The following SNED1 variants were observed in gnomAD, a reference collection of about 807,000 sequenced individuals.
SNED1 encodes the protein sushi, nidogen and EGF-like domain-containing protein 1.
Under a neutral mutation model 166.7 loss-of-function variants are expected in SNED1, and 81 were observed. That is an observed-to-expected ratio of 0.49 (90% CI 0.41 to 0.58). The LOEUF (loss-of-function observed/expected upper bound fraction) is 0.58. SNED1 is among the 20% of genes least tolerant of loss of function. SNED1 has a pLI of 0.00. For synonymous variants in SNED1, 762 were observed against 822.0 expected (o/e 0.93, Z 1.25); for missense variants, 1,604 against 2,000.2 (o/e 0.80, Z 3.78).
chr2:241,034,235 A>G (rs1476803551), intron 3 of SNED1, among the ~76,000 whole-genome samples: 2 of 152,212 alleles, frequency 1.3e-5, no homozygotes, highest in African/African-American at 4.8e-5. Context: ...GGAATGAAAC[A>G]GGACAATGGC....
At position 241,048,414 on chromosome 2, in the gene SNED1, G is replaced by T. The variant is rs767510996; in HGVS notation, c.1373G>T (p.Gly458Val). 2.0e-5 allele frequency: 32 copies of T among 1,610,502 alleles called. No homozygotes were observed. The highest frequency in any genetic ancestry group is 2.6e-5 in the Non-Finnish European group (31 of 1,178,568). The change falls in exon 9 of 32, where the codon GGC becomes GTC. Residue 458 changes from glycine (G) to valine (V), a missense_variant. This residue lies in a region of SNED1 where 1,237 missense variants were observed against 1,620.8 expected (regional missense o/e 0.76). Coordinates refer to ENST00000310397, the MANE Select transcript of SNED1 (RefSeq NM_001080437.3). ...DQGYVCECPEGFMGLDCRERV... is the reference protein window; with the variant it reads ...DQGYVCECPEVFMGLDCRERV... ...GGCTACGTGTGCGAGTGCCCCGAAGGCTTCATGGGCCTGGACTGCAGGGAG... is the reference window on the plus strand; with the variant it reads ...GGCTACGTGTGCGAGTGCCCCGAAGTCTTCATGGGCCTGGACTGCAGGGAG...
Position 241,081,781 on chromosome 2 carries a change from C to T in SNED1, c.4021C>T (p.Arg1341Cys), listed in dbSNP as rs749096541. The T allele has an allele frequency of 4.2e-5, 67 of 1,589,908 alleles. No individual in the cohort carries two copies. Among genetic ancestry groups the T allele is most frequent in the Non-Finnish European group, 5.2e-5 (61 of 1,167,966 alleles). Reference protein sequence around the residue: ...CDCGPGFKGRRCELACIKVSR... With the variant: ...CDCGPGFKGRCCELACIKVSR... ...CTGCGGGCCAGGGTTCAAAGGCAGA[C>T]GCTGCGAGCTCGGTAAGTCGGGGCT... The change falls in exon 28 of 32, where the codon CGC becomes TGC. Residue 1341 changes from arginine to cysteine, a missense_variant. Arg to Cys is a radical substitution (Grantham distance 180). Around this residue, in one of 2 missense-constraint regions of SNED1, gnomAD observed 367 missense variants for 379.4 expected, o/e 0.97. Coordinates refer to ENST00000310397, the MANE Select transcript of SNED1 (RefSeq NM_001080437.3).
Position 241,081,711 on chromosome 2 carries a change from G to T in SNED1, c.3951G>T (p.Gln1317His). The change falls in exon 28 of 32, where the codon CAG (glutamine) becomes CAT (histidine). Residue 1317 changes from glutamine to histidine, a missense_variant. Coordinates refer to ENST00000310397, the MANE Select transcript of SNED1 (RefSeq NM_001080437.3). ...VPGNCSENPCQNGGTCVPGAD... is the reference protein window; with the variant it reads ...VPGNCSENPCHNGGTCVPGAD... The stretch of plus-strand genomic sequence containing the variant: ...GCAACTGTTCAGAAAACCCCTGTCA[G>T]AACGGAGGCACTTGTGTGCCGGGCG... 1.2e-6 allele frequency: 2 copies of T among 1,609,394 alleles called. No individual in the cohort carries two copies. Among genetic ancestry groups the T allele is most frequent in the Non-Finnish European group, 1.7e-6 (2 of 1,177,916 alleles).
chr2:241,077,355 C>T (rs952670784), intron 27 of SNED1, among the ~76,000 whole-genome samples: 2 of 152,128 alleles, frequency 1.3e-5, no homozygotes, highest in African/African-American at 2.4e-5. Flanking sequence ...TCATGACCTT[C>T]GATCATGAGG....
At chr2:241,038,682 C>A (rs954304192) in intron 6 of SNED1, among the ~76,000 whole-genome samples, 2 of 152,270 alleles carry the variant, frequency 1.3e-5, no homozygotes, top group Non-Finnish European at 2.9e-5. Flanking sequence ...CAACGTGAGA[C>A]GGGTGGGAGT....
chr2:241,024,565 G>A (rs950217206), intron 1 of SNED1, among the ~76,000 whole-genome samples: 3 of 151,192 alleles, frequency 2.0e-5, no homozygotes, highest in East Asian at 3.9e-4. Context: ...CCTTTTTTGT[G>A]CAAAATTTCC....
Position 241,071,836 on chromosome 2 carries a change from A to G in SNED1, c.3775A>G (p.Arg1259Gly). ...GGACGGCAGAGGAAGAGTGAGCGCC[A>G]GGTTCGGTGGCTCACCCAGCAAAGC... ...LVDGRGRVSA[R>G]FGGSPSKAAT... Residue 1259 changes from arginine (R) to glycine (G), a missense_variant, in exon 26 of 32, where the codon AGG (arginine) becomes GGG (glycine). Around this residue, in one of 2 missense-constraint regions of SNED1, gnomAD observed 367 missense variants for 379.4 expected, o/e 0.97. Coordinates refer to ENST00000310397, the MANE Select transcript of SNED1 (RefSeq NM_001080437.3). 6.2e-7 allele frequency: 1 copy of G among 1,604,790 alleles called. No homozygotes were observed. The highest frequency in any genetic ancestry group is 8.5e-7 in the Non-Finnish European group (1 of 1,176,222).
At position 241,062,847 on chromosome 2, in the gene SNED1, G is replaced by C; in HGVS notation, c.2314G>C (p.Val772Leu). The change falls in exon 17 of 32, where the codon GTT becomes CTT. Residue 772 changes from valine (V) to leucine (L), a missense_variant. Transcript: ENST00000310397. The stretch of plus-strand genomic sequence containing the variant: ...GCATGGGGGCTCTTGTCAGGACCGC[G>C]TTGCTGGGTACCTGTGCCTCTGCAG... ...CLHGGSCQDR[V>L]AGYLCLCSTG... is the part of the protein sequence containing the mutation. 1 of 1,611,702 alleles carries C rather than the reference G, an allele frequency of 6.2e-7. No homozygotes were observed. The highest frequency in any genetic ancestry group is 2.2e-5 in the East Asian group (1 of 44,844).
At chr2:241,052,607 G>T in intron 15 of SNED1, 139 bp downstream of exon 15, 2 of 693,610 alleles carry the variant, frequency 2.9e-6, no homozygotes, top group Non-Finnish European at 2.6e-6. Flanking sequence ...GGATATATGG[G>T]ATACCAGTGC....
Position 241,068,538 on chromosome 2 carries a change from C to T in SNED1, c.3195-373C>T, listed in dbSNP as rs1184994634. On this transcript the variant is annotated intron_variant, in intron 22 of 31. Coordinates refer to ENST00000310397, the MANE Select transcript of SNED1 (RefSeq NM_001080437.3). The surrounding 1 kb of genome is among the most constrained non-coding windows in gnomAD (Gnocchi z 5.3). Reference sequence around the variant, plus strand: ...CCTGGGGCTGGGGTGGCATTGGCCTCACGTTGTCCTGTGGTTTCCTGAGAA... The same window carrying T: ...CCTGGGGCTGGGGTGGCATTGGCCTTACGTTGTCCTGTGGTTTCCTGAGAA... 6.6e-6 allele frequency among the ~76,000 whole-genome samples: 1 copy of T among 152,138 alleles called. No individual in the cohort carries two copies. Among genetic ancestry groups the T allele is most frequent in the East Asian group, 1.9e-4 (1 of 5,184 alleles).
chr2:241,014,193 G>A (rs931385544), intron 1 of SNED1, among the ~76,000 whole-genome samples: 34 of 152,072 alleles, frequency 2.2e-4, no homozygotes, highest in African/African-American at 7.0e-4. Flanking sequence ...ATTTTTAGGA[G>A]AGACAGGGTT....
At chr2:241,052,630 AGGGCCGGG>A (rs1363440711) in intron 15 of SNED1, among the ~76,000 whole-genome samples, 162 bp downstream of exon 15, 15 of 107,702 alleles carry the variant, frequency 1.4e-4, no homozygotes, top group East Asian at 2.8e-4. Flanking sequence ...GGCAGGTGAG[AGGGCCGGG>A]GGGCCAAGCA....
rs1193435892 is a variant in SNED1, at chr2:241,036,032, GGGGTGGGTGGGGGGTGGAGGTGCGTCACA to G, written c.806-750_806-722del. ...GGAGTGGGGGGTGGAGGTGCGTCAC[GGGGTGGGTGGGGGGTGGAGGTGCGTCACA>G]GGGTGGGGGGTGGGGGGTGGAGGCG... On this transcript the variant is annotated intron_variant, in intron 4 of 31. Transcript: ENST00000310397. Among the ~76,000 whole-genome samples the G allele has an allele frequency of 6.2e-5, 5 of 80,458 alleles. No individual in the cohort carries two copies. In the East Asian group the frequency reaches 1.7e-3, roughly 28 times the overall value. The allele number at this position is 80,458 out of a possible 152,430, so 52.8% of individuals were successfully genotyped here. A position where few individuals can be genotyped will look rare whatever the true frequency, so the allele number is the denominator to read the frequency against.
intron 1 of SNED1, among the ~76,000 whole-genome samples, chr2:241,024,441 G>T (rs1351800863): frequency 4.0e-5 from 6 of 149,936 alleles, no homozygotes; most frequent in Non-Finnish European, 8.9e-5. Context: ...TAGAGACAGG[G>T]TTTCACTATG....
intron 24 of SNED1, among the ~76,000 whole-genome samples, chr2:241,070,657 G>A (rs1049845510): frequency 6.6e-6 from 1 of 152,228 alleles, no homozygotes; most frequent in Non-Finnish European, 1.5e-5. Context: ...GAGGCACAGG[G>A]CAGAAGCCGC....
chr2:241,037,262 G>A lies in SNED1; in HGVS notation c.954G>A (p.Gln318=). The part of the protein sequence containing the change: ...CHLDVNECAS[Q]PCQNGGTCTH... ...CAGACGTGAACGAATGTGCCTCCCA[G>A]CCCTGTCAGAATGGTGGGACCTGTA... Residue 318 remains glutamine, a synonymous_variant, in exon 6 of 32, where the codon CAG becomes CAA. Coordinates refer to ENST00000310397, the MANE Select transcript of SNED1 (RefSeq NM_001080437.3). 6.2e-7 allele frequency: 1 copy of A among 1,611,062 alleles called. No homozygotes were observed. Among genetic ancestry groups the A allele is most frequent in the Non-Finnish European group, 8.5e-7 (1 of 1,178,980 alleles).
intron 4 of SNED1, among the ~76,000 whole-genome samples, chr2:241,035,065 C>T (rs1010921146): frequency 6.6e-6 from 1 of 152,040 alleles, no homozygotes; most frequent in Admixed American, 6.5e-5. Context: ...AGTTCTGGGT[C>T]CTCAGGGGAG....
chr2:241,007,363 C>A (rs1369774502), intron 1 of SNED1, among the ~76,000 whole-genome samples: 1 of 152,150 alleles, frequency 6.6e-6, no homozygotes. Flanking sequence ...TGTTGACTTA[C>A]TCACTACTTC....
At chr2:241,030,261 C>T (rs188765986) in intron 1 of SNED1, 23 bp from the exon 2 acceptor site, 681 of 1,540,886 alleles carry the variant, frequency 4.4e-4, no homozygotes, top group Admixed American at 8.5e-4. Context: ...AGTCAATCCC[C>T]GCTCTGGCTT....
Sources: gnomAD v4.1 joint callset for allele counts (sites outside exome capture counted in the v4.1 genomes callset) on GRCh38, gnomAD v4.1.1 for gene constraint, gnomAD v4.1.1 regional missense constraint, Gnocchi (gnomAD v3.1) non-coding constraint, MANE v1.5 for transcripts, NCBI Gene and HGNC (gene_info 2026-07-23, HGNC 2026-07-21) for gene names.